COL25A1: variants seen among roughly 807,000 people sequenced by gnomAD.
The protein encoded by COL25A1 is collagen type XXV alpha 1 chain.
A neutral mutation model predicts 128.4 loss-of-function variants in COL25A1; 103 were observed. The ratio of observed to expected loss-of-function variants is 0.80; its 90% confidence interval spans 0.68 to 0.94. COL25A1 has a LOEUF of 0.94. COL25A1 is among the 40% of genes least tolerant of loss of function. The probability of loss-of-function intolerance (pLI) is 0.00; values close to 1 mark genes in which losing one functional copy is unlikely to be tolerated. For synonymous variants in COL25A1, 279 were observed against 277.2 expected (o/e 1.01, Z -0.06); for missense variants, 745 against 840.0 (o/e 0.89, Z 1.40).
intron 31 of COL25A1, among the ~76,000 whole-genome samples, chr4:108,840,186 G>A (rs576449909): frequency 2.8e-5 from 4 of 145,052 alleles, no homozygotes; most frequent in African/African-American, 7.7e-5. Flanking sequence ...AGGTTGCAGC[G>A]AGCCAAGACT....
intron 5 of COL25A1, among the ~76,000 whole-genome samples, chr4:109,014,221 C>T (rs1200010775): frequency 6.6e-6 from 1 of 151,980 alleles, no homozygotes. Flanking sequence ...GTGAGAGAAT[C>T]ACTTGAGTCC....
intron 3 of COL25A1, among the ~76,000 whole-genome samples, chr4:109,253,228 T>G (rs557378136): frequency 6.6e-6 from 1 of 152,316 alleles, no homozygotes; most frequent in East Asian, 1.9e-4. Context: ...AGGAGATTTA[T>G]GATAAGGAAT....
intron 37 of COL25A1, among the ~76,000 whole-genome samples, chr4:108,816,027 G>A (rs1204200850): frequency 6.6e-6 from 1 of 152,152 alleles, no homozygotes; most frequent in Admixed American, 6.5e-5. Context: ...TCCAGCTCAA[G>A]ATGGTATTAA....
chr4:109,056,095 A>G (rs916251859), intron 3 of COL25A1, among the ~76,000 whole-genome samples: 1 of 152,156 alleles, frequency 6.6e-6, no homozygotes, highest in Non-Finnish European at 1.5e-5. Flanking sequence ...CATAACTCTC[A>G]CTACAGAGTA....
At chr4:109,166,879 T>C (rs1773121986) in intron 3 of COL25A1, among the ~76,000 whole-genome samples, 1 of 152,196 alleles carries the variant, frequency 6.6e-6, no homozygotes, top group African/African-American at 2.4e-5. Flanking sequence ...ACATTTCCAC[T>C]GAATTTGATA....
intron 3 of COL25A1, among the ~76,000 whole-genome samples, chr4:109,132,988 G>T (rs1405938501): frequency 6.6e-6 from 1 of 151,942 alleles, no homozygotes; most frequent in East Asian, 1.9e-4. Flanking sequence ...TTGATTTGTG[G>T]ACCTGACTTT....
chr4:109,072,756 A>G (rs1268781419), intron 3 of COL25A1, among the ~76,000 whole-genome samples: 6 of 152,184 alleles, frequency 3.9e-5, no homozygotes, highest in African/African-American at 1.4e-4. Flanking sequence ...CACTCTCACC[A>G]AGATGTCTTA....
intron 3 of COL25A1, among the ~76,000 whole-genome samples, chr4:109,179,299 C>G (rs545406897): frequency 1.3e-5 from 2 of 152,354 alleles, no homozygotes; most frequent in East Asian, 1.9e-4. Flanking sequence ...TCACCTCCCC[C>G]CACTGCACCT....
At chr4:108,926,879 G>A (rs960738758) in intron 11 of COL25A1, among the ~76,000 whole-genome samples, 1 of 152,000 alleles carries the variant, frequency 6.6e-6, no homozygotes, top group Non-Finnish European at 1.5e-5. Context: ...GCTTAAGTGT[G>A]TGGAAATGCC....
At chr4:109,050,751 C>T (rs963050315) in intron 3 of COL25A1, among the ~76,000 whole-genome samples, 2 of 152,076 alleles carry the variant, frequency 1.3e-5, no homozygotes, top group African/African-American at 4.8e-5. Flanking sequence ...AAAATCACAA[C>T]CTTTTTAATA....
At chr4:109,216,300 C>T (rs867080427) in intron 3 of COL25A1, among the ~76,000 whole-genome samples, 4 of 129,224 alleles carry the variant, frequency 3.1e-5, no homozygotes, top group East Asian at 2.2e-4. Context: ...GAAGGAAGGA[C>T]GGAAGGAAGG....
In COL25A1 at chr4:108,863,881, C is replaced by T. The variant is rs570863089; in HGVS notation, c.1084-494G>A. Among the ~76,000 whole-genome samples the T allele has an allele frequency of 3.9e-5, 6 of 152,180 alleles. No individual in the cohort carries two copies. The South Asian group carries it at 1.2e-3, about 32-fold the overall frequency. ...TACCAGTGCCCCTCAGGCTCTTATGCCTTCAGCCTCAGACTGAAAGTTACA... is the reference window on the plus strand; with the variant it reads ...TACCAGTGCCCCTCAGGCTCTTATGTCTTCAGCCTCAGACTGAAAGTTACA... On this transcript the variant is annotated intron_variant, in intron 20 of 37. Transcript: ENST00000399132.
intron 3 of COL25A1, among the ~76,000 whole-genome samples, chr4:109,228,172 C>G (rs141259472): frequency 1.1e-4 from 16 of 152,096 alleles, no homozygotes; most frequent in Non-Finnish European, 2.2e-4. Flanking sequence ...GCAGATCTTC[C>G]CCATCTAGTT....
chr4:109,280,437 T>C (rs1462986844), intron 3 of COL25A1, among the ~76,000 whole-genome samples: 2 of 152,018 alleles, frequency 1.3e-5, no homozygotes, highest in Non-Finnish European at 2.9e-5. Context: ...CATAAACAAA[T>C]AAATTGAGAA....
intron 12 of COL25A1, among the ~76,000 whole-genome samples, chr4:108,919,346 T>C (rs1365176847): frequency 6.6e-6 from 1 of 152,180 alleles, no homozygotes. Flanking sequence ...ATCCTGGTCG[T>C]ATGTGGATTA....
At chr4:108,880,125 T>C (rs566349142) in intron 19 of COL25A1, among the ~76,000 whole-genome samples, 1 of 152,302 alleles carries the variant, frequency 6.6e-6, no homozygotes, top group South Asian at 2.1e-4. Context: ...TCTATATTTA[T>C]GAAAAATGTC....
At chr4:108,908,572 T>C (rs1244413422) in intron 13 of COL25A1, among the ~76,000 whole-genome samples, 3 of 152,194 alleles carry the variant, frequency 2.0e-5, no homozygotes, top group Non-Finnish European at 4.4e-5. Flanking sequence ...GCATCCCTAC[T>C]GCGTTATCTA....
chr4:109,002,766 T>A (rs1755570992), intron 6 of COL25A1, among the ~76,000 whole-genome samples: 1 of 114,578 alleles, frequency 8.7e-6, no homozygotes, highest in Non-Finnish European at 1.8e-5. Context: ...TATAGATACA[T>A]TTTTTTTTTG....
At chr4:109,074,242 G>A (rs1763216815) in intron 3 of COL25A1, among the ~76,000 whole-genome samples, 1 of 152,180 alleles carries the variant, frequency 6.6e-6, no homozygotes, top group South Asian at 2.1e-4. Context: ...CTTCTGCTGT[G>A]CAGCCCAGTT....
Sources: allele counts gnomAD v4.1 joint callset (sites outside exome capture counted in the v4.1 genomes callset), GRCh38; gene constraint gnomAD v4.1.1; transcripts MANE v1.5; gene names NCBI Gene and HGNC (gene_info 2026-07-23, HGNC 2026-07-21).